GNB4: variants seen among roughly 807,000 people sequenced by gnomAD.
GNB4 encodes the protein guanine nucleotide-binding protein subunit beta-4.
In GNB4, 28 loss-of-function variants were observed where a neutral mutation model predicts 45.2. The observed-to-expected ratio is 0.62, with a 90% CI of 0.46 to 0.85. The LOEUF (loss-of-function observed/expected upper bound fraction) is 0.85. GNB4 is among the 40% of genes least tolerant of loss of function. The pLI is 0.00. For synonymous variants in GNB4, 132 were observed against 143.7 expected (o/e 0.92, Z 0.58); for missense variants, 321 against 425.4 (o/e 0.75, Z 2.16).
At chr3:179,406,593 G>A (rs1714475865) in intron 8 of GNB4, among the ~76,000 whole-genome samples, 1 of 152,050 alleles carries the variant, frequency 6.6e-6, no homozygotes, top group Non-Finnish European at 1.5e-5. Flanking sequence ...TCAACAGGAT[G>A]TGTTGGTTTC....
rs1407536046 is a variant in GNB4 at position 179,447,337 on chromosome 3, T to C, written c.-43+4009A>G. Reference sequence around the variant, plus strand: ...CCAGAGCCCAGTCACCGTCTCTTGATCATGGTATTAAAAAAAAAAAAAAAA... The same window carrying C: ...CCAGAGCCCAGTCACCGTCTCTTGACCATGGTATTAAAAAAAAAAAAAAAA... On this transcript the variant is annotated intron_variant, in intron 1 of 9. Transcript: ENST00000232564. Among the ~76,000 whole-genome samples the C allele has an allele frequency of 4.9e-5, 6 of 121,386 alleles. No individual in the cohort carries two copies. The East Asian group carries it at 1.2e-3, about 25-fold the overall frequency. The allele number at this position is 121,386 out of a possible 152,430, so 79.6% of individuals were successfully genotyped here.
chr3:179,518,650 A>G, the GNB4 span, among the ~76,000 whole-genome samples: 1 of 152,000 alleles, frequency 6.6e-6, no homozygotes, highest in Non-Finnish European at 1.5e-5. Flanking sequence ...CCCTCCCCCA[A>G]GCAATTTCCT....
chr3:179,429,848 G>C (rs189954023), intron 1 of GNB4, among the ~76,000 whole-genome samples: 38 of 152,266 alleles, frequency 2.5e-4, no homozygotes, highest in Admixed American at 8.5e-4. Flanking sequence ...TGTATGCACT[G>C]CTTCTGCTTT....
the GNB4 span, among the ~76,000 whole-genome samples, chr3:179,505,944 G>C: frequency 6.6e-6 from 1 of 152,326 alleles, no homozygotes; most frequent in Non-Finnish European, 1.5e-5. Context: ...CTGAGATTTC[G>C]AGGGTGTTTG....
chr3:179,466,263 G>A, the GNB4 span, among the ~76,000 whole-genome samples: 1 of 151,658 alleles, frequency 6.6e-6, no homozygotes, highest in Non-Finnish European at 1.5e-5. Context: ...CACCTACCTC[G>A]GCCTCCCAAA....
the GNB4 span, among the ~76,000 whole-genome samples, chr3:179,498,336 A>G: frequency 6.6e-6 from 1 of 152,238 alleles, no homozygotes; most frequent in Non-Finnish European, 1.5e-5. Flanking sequence ...GTTAAACTGC[A>G]AGACAGCCCA....
chr3:179,414,502 T>A (rs1714737915), intron 6 of GNB4, among the ~76,000 whole-genome samples: 2 of 152,196 alleles, frequency 1.3e-5, no homozygotes, highest in Non-Finnish European at 2.9e-5. Flanking sequence ...CAATACACTA[T>A]CATGGTGAAA....
At chr3:179,467,610 C>A in the GNB4 span, among the ~76,000 whole-genome samples, 111 of 152,072 alleles carry the variant, frequency 7.3e-4, no homozygotes, top group African/African-American at 2.6e-3. Context: ...TAACTCTAAC[C>A]AAAGTGATTT....
the GNB4 span, among the ~76,000 whole-genome samples, chr3:179,482,001 C>T: frequency 6.6e-6 from 1 of 152,108 alleles, no homozygotes; most frequent in African/African-American, 2.4e-5. Flanking sequence ...CTCCCTGGCT[C>T]AAACAATCCT....
chr3:179,494,298 AG>A, the GNB4 span, among the ~76,000 whole-genome samples: 1 of 151,870 alleles, frequency 6.6e-6, no homozygotes, highest in African/African-American at 2.4e-5. Flanking sequence ...AAAGAAAGAG[AG>A]AGGAAGGAAG....
chr3:179,480,658 C>G, the GNB4 span, among the ~76,000 whole-genome samples: 1 of 152,006 alleles, frequency 6.6e-6, no homozygotes, highest in Non-Finnish European at 1.5e-5. Flanking sequence ...TGTTTCTTAT[C>G]CATGTCCACA....
chr3:179,423,270 G>C (rs967724708), intron 2 of GNB4, among the ~76,000 whole-genome samples: 1 of 152,154 alleles, frequency 6.6e-6, no homozygotes, highest in Non-Finnish European at 1.5e-5. Context: ...ATCCATCTAG[G>C]TACAAACAGT....
At chr3:179,506,626 GC>G in the GNB4 span, among the ~76,000 whole-genome samples, 1 of 152,132 alleles carries the variant, frequency 6.6e-6, no homozygotes, top group East Asian at 1.9e-4. Flanking sequence ...TAGTTCACTA[GC>G]CCCTGAAACT....
intron 8 of GNB4, 129 bp downstream of exon 8, chr3:179,413,283 G>A: frequency 1.5e-6 from 1 of 689,494 alleles, no homozygotes; most frequent in South Asian, 1.8e-5. Flanking sequence ...CTTATGACTT[G>A]GAGATTCAAA....
chr3:179,413,127 G>A (rs1714697029), intron 8 of GNB4, among the ~76,000 whole-genome samples: 7 of 151,980 alleles, frequency 4.6e-5, no homozygotes, highest in Admixed American at 3.9e-4. Context: ...GCAGTGAGCC[G>A]TGACTGCACC....
At chr3:179,524,209 G>A in the GNB4 span, among the ~76,000 whole-genome samples, 1 of 152,260 alleles carries the variant, frequency 6.6e-6, no homozygotes, top group African/African-American at 2.4e-5. Context: ...ACTAAGCCAA[G>A]GAGATCTGGG....
chr3:179,413,340 G>T, intron 8 of GNB4, 72 bp downstream of exon 8: 1 of 1,192,276 alleles, frequency 8.4e-7, no homozygotes, highest in Non-Finnish European at 1.2e-6. Context: ...GCAATTTGTT[G>T]TTAAAATCAT....
At chr3:179,502,439 G>C in the GNB4 span, among the ~76,000 whole-genome samples, 2 of 151,548 alleles carry the variant, frequency 1.3e-5, no homozygotes, top group Non-Finnish European at 2.9e-5. Flanking sequence ...CACTATGTTG[G>C]CCACGCTGCT....
chr3:179,430,120 G>A (rs993617855), intron 1 of GNB4, among the ~76,000 whole-genome samples: 1 of 150,130 alleles, frequency 6.7e-6, no homozygotes, highest in African/African-American at 2.5e-5. Context: ...ACAGACAAAG[G>A]CCTCACTCTG....
Sources: gnomAD v4.1 joint callset for allele counts (sites outside exome capture counted in the v4.1 genomes callset) on GRCh38, gnomAD v4.1.1 for gene constraint, MANE v1.5 for transcripts, NCBI Gene and HGNC (gene_info 2026-07-23, HGNC 2026-07-21) for gene names.